CAST: variants seen among roughly 807,000 people sequenced by gnomAD.
The protein encoded by CAST is MIR583 host.
A neutral mutation model predicts 119.6 loss-of-function variants in CAST; 76 were observed. That is an observed-to-expected ratio of 0.64 (90% CI 0.53 to 0.77). The LOEUF is 0.77. Among genes scored for constraint, CAST ranks in the 30% least tolerant of loss-of-function variants. CAST has a pLI of 0.00. For synonymous variants in CAST, 319 were observed against 331.6 expected, an observed-to-expected ratio of 0.96 and a Z score of 0.41; for missense variants, 953 against 946.5, an observed-to-expected ratio of 1.01 and a Z score of -0.09.
the CAST span, among the ~76,000 whole-genome samples, chr5:96,033,913 G>T: frequency 6.6e-6 from 1 of 152,090 alleles, no homozygotes; most frequent in South Asian, 2.1e-4. Context: ...CTGATAAGGG[G>T]TTACTATCCA....
the CAST span, among the ~76,000 whole-genome samples, chr5:96,511,149 C>T: frequency 6.6e-6 from 1 of 152,102 alleles, no homozygotes; most frequent in Non-Finnish European, 1.5e-5. Flanking sequence ...AGACTATATT[C>T]TTTATTTATT....
intron 1 of CAST, among the ~76,000 whole-genome samples, chr5:96,617,910 G>A (rs1747502296): frequency 1.3e-5 from 2 of 151,368 alleles, no homozygotes; most frequent in Non-Finnish European, 2.9e-5. Flanking sequence ...GTGTCTTAAG[G>A]AGGGAGGAGG....
chr5:96,439,460 T>C, the CAST span, among the ~76,000 whole-genome samples: 3 of 152,180 alleles, frequency 2.0e-5, no homozygotes, highest in Admixed American at 6.5e-5. Context: ...GACTGAGGAA[T>C]TGGCAGGCAC....
intron 3 of CAST, among the ~76,000 whole-genome samples, chr5:96,703,126 C>G (rs940002586): frequency 1.3e-5 from 2 of 152,184 alleles, no homozygotes; most frequent in Non-Finnish European, 2.9e-5. Flanking sequence ...TCCTCCTTGT[C>G]GGTAACACTG....
the CAST span, among the ~76,000 whole-genome samples, chr5:96,280,648 CTTAT>C: frequency 6.6e-6 from 1 of 152,172 alleles, no homozygotes; most frequent in Non-Finnish European, 1.5e-5. Context: ...ACTCACTTTG[CTTAT>C]TTAAGTATCA....
intron 1 of CAST, among the ~76,000 whole-genome samples, chr5:96,556,434 C>A (rs1746241884): frequency 1.3e-5 from 2 of 152,102 alleles, no homozygotes; most frequent in Non-Finnish European, 1.5e-5. Flanking sequence ...GAAGTGCGAA[C>A]CCATGGCAAA....
chr5:96,625,424 A>C (rs952373640), intron 1 of CAST, among the ~76,000 whole-genome samples: 3 of 152,200 alleles, frequency 2.0e-5, no homozygotes, highest in Non-Finnish European at 2.9e-5. Context: ...TAAATACCTG[A>C]AACTAGCAGC....
the CAST span, among the ~76,000 whole-genome samples, chr5:96,304,765 T>C: frequency 3.0e-4 from 46 of 152,296 alleles, 1 homozygote; most frequent in South Asian, 9.5e-3. Context: ...GTTGTAGACG[T>C]GTGGTGTTAT....
At chr5:95,986,022 A>G in the CAST span, among the ~76,000 whole-genome samples, 1 of 152,192 alleles carries the variant, frequency 6.6e-6, no homozygotes, top group Non-Finnish European at 1.5e-5. Flanking sequence ...CTGCAGCTGT[A>G]GCTCAAAAAA....
At chr5:96,569,385 G>A (rs1482457641) in intron 1 of CAST, among the ~76,000 whole-genome samples, 1 of 152,118 alleles carries the variant, frequency 6.6e-6, no homozygotes, top group African/African-American at 2.4e-5. Flanking sequence ...ATAATAAACA[G>A]GAATAATTTA....
chr5:96,444,494 A>G, the CAST span, among the ~76,000 whole-genome samples: 18 of 152,310 alleles, frequency 1.2e-4, no homozygotes, highest in South Asian at 4.1e-4. Context: ...TTCAAATATT[A>G]CCACCAAATC....
chr5:96,030,303 A>G, the CAST span, among the ~76,000 whole-genome samples: 1 of 152,198 alleles, frequency 6.6e-6, no homozygotes, highest in African/African-American at 2.4e-5. Flanking sequence ...TATTTTAGAT[A>G]ACATTTTATT....
chr5:96,301,594 A>G, the CAST span, among the ~76,000 whole-genome samples: 1 of 152,228 alleles, frequency 6.6e-6, no homozygotes, highest in African/African-American at 2.4e-5. Context: ...GGCATTGGGT[A>G]AATACACCCA....
At chr5:95,995,192 C>T in the CAST span, among the ~76,000 whole-genome samples, 2 of 146,080 alleles carry the variant, frequency 1.4e-5, no homozygotes, top group African/African-American at 5.6e-5. Flanking sequence ...TAAAATGAGG[C>T]TTATAACTGC....
At chr5:96,204,315 A>G in the CAST span, among the ~76,000 whole-genome samples, 6 of 152,116 alleles carry the variant, frequency 3.9e-5, no homozygotes, top group African/African-American at 1.4e-4. Context: ...TGTTTTATTT[A>G]GGCTTTCTAC....
chr5:96,226,601 G>A, the CAST span, among the ~76,000 whole-genome samples: 2 of 152,080 alleles, frequency 1.3e-5, no homozygotes, highest in Non-Finnish European at 2.9e-5. Flanking sequence ...AGGTTGCAGT[G>A]AGCCAAGATC....
At chr5:95,991,497 G>GTTTTTTTTTT in the CAST span, among the ~76,000 whole-genome samples, 4 of 64,958 alleles carry the variant, frequency 6.2e-5, no homozygotes, top group Non-Finnish European at 1.1e-4. Flanking sequence ...AACAAGTTTT[G>GTTTTTTTTTT]TTTTTTTTTT....
At chr5:96,743,548 C>T (rs776448207) in intron 16 of CAST, 1 of 1,546,860 alleles carries the variant, frequency 6.5e-7, no homozygotes, top group Admixed American at 1.9e-5. Flanking sequence ...CTGTCACTTC[C>T]TGTTCTGAGT....
In CAST at chr5:96,762,301, G is replaced by T. The variant is rs766430626; in HGVS notation, c.1861G>T (p.Ala621Ser). The T allele has an allele frequency of 1.9e-6, 3 of 1,607,536 alleles. No homozygotes were observed. The African/African-American group carries it at 4.0e-5, about 22-fold the overall frequency. ...LKFEDAKLAAAISEVVSQTPA... is the reference protein window; with the variant it reads ...LKFEDAKLAASISEVVSQTPA... ...ATTTGAAGATGCTAAACTTGCTGCT[G>T]CCATCTCTGAAGTGGTTTCCCAAAC... is the stretch of plus-strand genomic sequence containing the variant. The change falls in exon 25 of 32, where the codon GCC (alanine) becomes TCC (serine). Residue 621 changes from alanine (A) to serine (S), a missense_variant. By Grantham distance (99) the Ala-to-Ser change is moderately conservative. Coordinates refer to ENST00000675179, the MANE Select transcript of CAST (RefSeq NM_001750.7).
Sources: allele counts gnomAD v4.1 joint callset (sites outside exome capture counted in the v4.1 genomes callset), GRCh38; gene constraint gnomAD v4.1.1; transcripts MANE v1.5; gene names NCBI Gene and HGNC (gene_info 2026-07-23, HGNC 2026-07-21).